Variants in LMCD1 observed in about 807,000 individuals in gnomAD.
LMCD1 encodes LIM and cysteine-rich domains protein 1.
Under a neutral mutation model 42.7 loss-of-function variants are expected in LMCD1, and 32 were observed. The ratio of observed to expected loss-of-function variants is 0.75; its 90% CI spans 0.57 to 1.01. The LOEUF (loss-of-function observed/expected upper bound fraction) is 1.01, where lower values mean the gene tolerates loss of function less well. Ranked by LOEUF, LMCD1 falls within the 50% of genes least tolerant of loss-of-function variation. LMCD1 has a pLI of 0.00. For synonymous variants in LMCD1, 178 were observed against 184.9 expected (o/e 0.96, Z 0.30); for missense variants, 458 against 483.1 (o/e 0.95, Z 0.49).
chr3:8,528,864 T>A (rs968303035), intron 1 of LMCD1, among the ~76,000 whole-genome samples: 1 of 152,176 alleles, frequency 6.6e-6, no homozygotes, highest in South Asian at 2.1e-4. Context: ...AGGGGTCTCC[T>A]GGTCTAATCT....
chr3:8,534,803 G>A (rs1694480379), intron 2 of LMCD1, among the ~76,000 whole-genome samples: 1 of 152,152 alleles, frequency 6.6e-6, no homozygotes, highest in Admixed American at 6.5e-5. Context: ...CTGGGCACCT[G>A]GAAAGAGTGG....
At chr3:8,559,677 C>T (rs532865456) in intron 4 of LMCD1, among the ~76,000 whole-genome samples, 54 of 152,334 alleles carry the variant, frequency 3.5e-4, no homozygotes, top group African/African-American at 1.3e-3. Flanking sequence ...TTCTGACTCT[C>T]GGCTGCTAGC....
At chr3:8,527,912 A>G (rs987405740) in intron 1 of LMCD1, among the ~76,000 whole-genome samples, 2 of 152,240 alleles carry the variant, frequency 1.3e-5, no homozygotes, top group Non-Finnish European at 2.9e-5. Context: ...AGGTATTTAT[A>G]AGTAATTTAA....
chr3:8,503,208 A>T (rs1693800958), intron 1 of LMCD1, among the ~76,000 whole-genome samples: 1 of 152,160 alleles, frequency 6.6e-6, no homozygotes, highest in South Asian at 2.1e-4. Flanking sequence ...GTAGAATGAG[A>T]GGGGGAAAAA....
At chr3:8,513,332 C>T (rs764215345) in intron 1 of LMCD1, among the ~76,000 whole-genome samples, 3 of 152,172 alleles carry the variant, frequency 2.0e-5, no homozygotes, top group Non-Finnish European at 4.4e-5. Context: ...CACGCATCCC[C>T]CAGGGTTTGT....
At chr3:8,545,415 C>T (rs1694716010) in intron 3 of LMCD1, among the ~76,000 whole-genome samples, 1 of 152,194 alleles carries the variant, frequency 6.6e-6, no homozygotes, top group Admixed American at 6.5e-5. Context: ...AGGCATCTCT[C>T]AGGTATTAGC....
Position 8,541,323 on chromosome 3 carries a change from G to A in LMCD1, c.387+3883G>A, listed in dbSNP as rs180859771. The stretch of plus-strand genomic sequence containing the variant: ...CTAGCACTTTGGGAAGCCGAGGCAG[G>A]TGGATCACCTGAGGTCAGGAGTTTG... On this transcript the variant is annotated intron_variant, in intron 3 of 5. Transcript: ENST00000157600. Among the ~76,000 whole-genome samples, 4 of 152,308 alleles carry A rather than the reference G, an allele frequency of 2.6e-5. No individual in the cohort carries two copies. The South Asian group carries it at 6.2e-4, about 24-fold the overall frequency.
rs773883930 is a variant in LMCD1 at position 8,573,412 on chromosome 3, A to G, written c.*5814A>G. ...ACATTTTAAAAATATTGTCTTAGCAATTTTCAATCAAGCCTGTCCCATGGA... is the reference window on the plus strand; with the variant it reads ...ACATTTTAAAAATATTGTCTTAGCAGTTTTCAATCAAGCCTGTCCCATGGA... On this transcript the variant is annotated 3_prime_UTR_variant, in exon 6 of 6. Coordinates refer to ENST00000157600, the MANE Select transcript of LMCD1 (RefSeq NM_014583.4). The G allele has an allele frequency of 1.2e-4, 18 of 152,156 alleles. No homozygotes were observed. The highest frequency in any genetic ancestry group is 2.1e-4 in the Non-Finnish European group (14 of 68,030). 9.4% of individuals were successfully genotyped at this position (152,156 alleles called of 1,614,324 possible). A position where few individuals can be genotyped will look rare whatever the true frequency, so the allele number is the denominator to read the frequency against.
At chr3:8,523,247 A>G (rs1013708197) in intron 1 of LMCD1, among the ~76,000 whole-genome samples, 2 of 152,214 alleles carry the variant, frequency 1.3e-5, no homozygotes, top group Non-Finnish European at 2.9e-5. Flanking sequence ...CTCTAAATTA[A>G]AGGGATTTCT....
At chr3:8,533,628 A>G (rs1456469437) in intron 2 of LMCD1, among the ~76,000 whole-genome samples, 1 of 152,208 alleles carries the variant, frequency 6.6e-6, no homozygotes, top group Non-Finnish European at 1.5e-5. Context: ...GACTTCCATT[A>G]TGAGATGGGA....
At chr3:8,555,114 A>G (rs547633880) in intron 4 of LMCD1, among the ~76,000 whole-genome samples, 4 of 152,176 alleles carry the variant, frequency 2.6e-5, no homozygotes, top group African/African-American at 9.6e-5. Flanking sequence ...TCCTGGGAGC[A>G]CAGTCTGACC....
chr3:8,529,639 T>C (rs1358356609), intron 1 of LMCD1, among the ~76,000 whole-genome samples: 5 of 152,222 alleles, frequency 3.3e-5, no homozygotes, highest in African/African-American at 1.2e-4. Flanking sequence ...TGTGAGCTTA[T>C]TTTGTTTTTA....
chr3:8,550,344 C>G (rs746146139), intron 4 of LMCD1: 30 of 993,168 alleles, frequency 3.0e-5, no homozygotes, highest in Non-Finnish European at 3.6e-5. Flanking sequence ...TCCCAGCACA[C>G]GAGATCCCCA....
chr3:8,508,497 T>G (rs1369358467), intron 1 of LMCD1, among the ~76,000 whole-genome samples: 2 of 152,216 alleles, frequency 1.3e-5, no homozygotes, highest in Non-Finnish European at 2.9e-5. Context: ...CCTCCTCCTG[T>G]TTAAAAAATA....
chr3:8,568,124 A>T lies in LMCD1; in HGVS notation c.*526A>T, dbSNP rs1299442145. ...AATAAAAGTTTTGTGAATTCCACAT[A>T]CACCCTTATCTAATTATTTACACCA... On this transcript the variant is annotated 3_prime_UTR_variant, in exon 6 of 6. Transcript: ENST00000157600. 2.6e-5 allele frequency: 4 copies of T among 152,276 alleles called. No individual in the cohort carries two copies. The highest frequency in any genetic ancestry group is 9.6e-5 in the African/African-American group (4 of 41,458). 9.4% of individuals were successfully genotyped at this position (152,276 alleles called of 1,614,324 possible).
intron 4 of LMCD1, among the ~76,000 whole-genome samples, chr3:8,561,510 C>T (rs1695035192): frequency 6.6e-6 from 1 of 151,950 alleles, no homozygotes; most frequent in South Asian, 2.1e-4. Flanking sequence ...ATGGGGCTTG[C>T]GAGAACAGAC....
chr3:8,551,606 C>T (rs1011596319), intron 4 of LMCD1, among the ~76,000 whole-genome samples: 2 of 152,320 alleles, frequency 1.3e-5, no homozygotes, highest in East Asian at 3.9e-4. Context: ...AGGAAGAAGA[C>T]TGTGTGCCCT....
At chr3:8,535,824 C>T (rs1694498069) in intron 2 of LMCD1, among the ~76,000 whole-genome samples, 1 of 152,226 alleles carries the variant, frequency 6.6e-6, no homozygotes, top group Admixed American at 6.5e-5. Flanking sequence ...CCCAACCTCT[C>T]AGCACAATTG....
At chr3:8,565,379 C>A in intron 4 of LMCD1, 53 bp from the exon 5 acceptor site, 1 of 1,509,808 alleles carries the variant, frequency 6.6e-7, no homozygotes, top group Non-Finnish European at 9.2e-7. Context: ...GAACCCATGT[C>A]ACTGTGCTCT....
Sources: gnomAD v4.1 joint callset for allele counts (sites outside exome capture counted in the v4.1 genomes callset) on GRCh38, gnomAD v4.1.1 for gene constraint, MANE v1.5 for transcripts, NCBI Gene and HGNC (gene_info 2026-07-23, HGNC 2026-07-21) for gene names.